CPED1: variants seen among roughly 807,000 people sequenced by gnomAD.
The protein encoded by CPED1 is cadherin-like and PC-esterase domain-containing protein 1.
A neutral mutation model predicts 128.2 loss-of-function variants in CPED1; 114 were observed. That is an observed-to-expected ratio of 0.89 (90% CI 0.76 to 1.04). The LOEUF (loss-of-function observed/expected upper bound fraction) is 1.04, where lower values mean the gene tolerates loss of function less well. CPED1 is among the 50% of genes least tolerant of loss of function. The probability of loss-of-function intolerance (pLI) is 0.00; values close to 1 mark genes in which losing one functional copy is unlikely to be tolerated. For synonymous variants in CPED1, 462 were observed against 426.7 expected, an observed-to-expected ratio of 1.08 and a Z score of -1.02; for missense variants, 1,211 against 1,207.1, an observed-to-expected ratio of 1.00 and a Z score of -0.05.
At chr7:121,016,155 G>T (rs1297938643) in intron 3 of CPED1, among the ~76,000 whole-genome samples, 3 of 151,858 alleles carry the variant, frequency 2.0e-5, no homozygotes, top group Non-Finnish European at 2.9e-5. Context: ...GTTCTGCCCC[G>T]CACCCAAACT....
chr7:121,117,485 T>C (rs760816850), intron 7 of CPED1, among the ~76,000 whole-genome samples: 9 of 152,224 alleles, frequency 5.9e-5, no homozygotes, highest in Non-Finnish European at 1.0e-4. Flanking sequence ...TTTCTCCATT[T>C]CTCTAATCTT....
At chr7:121,170,746 T>C (rs1043410778) in intron 16 of CPED1, among the ~76,000 whole-genome samples, 4 of 152,132 alleles carry the variant, frequency 2.6e-5, no homozygotes, top group Admixed American at 1.3e-4. Flanking sequence ...TGAGTTTCTA[T>C]CCTTTATTAA....
chr7:120,998,135 C>T (rs1326184908), intron 2 of CPED1, among the ~76,000 whole-genome samples: 2 of 152,072 alleles, frequency 1.3e-5, no homozygotes, highest in Non-Finnish European at 2.9e-5. Flanking sequence ...GGAAGGATTC[C>T]ACCACAAGTT....
At chr7:121,090,962 T>TA (rs369642855) in intron 5 of CPED1, among the ~76,000 whole-genome samples, 160 of 145,758 alleles carry the variant, frequency 1.1e-3, no homozygotes, top group African/African-American at 1.9e-3. Context: ...AAAATAAAAA[T>TA]AAAAAAAAAA....
At chr7:121,020,874 A>G (rs1388495294) in intron 3 of CPED1, among the ~76,000 whole-genome samples, 1 of 151,968 alleles carries the variant, frequency 6.6e-6, no homozygotes, top group Non-Finnish European at 1.5e-5. Flanking sequence ...AGTATTGAGT[A>G]AACAACAGTA....
intron 4 of CPED1, among the ~76,000 whole-genome samples, chr7:121,054,628 A>T (rs1222044998): frequency 6.6e-6 from 1 of 151,166 alleles, no homozygotes; most frequent in Non-Finnish European, 1.5e-5. Flanking sequence ...GTATTATTTG[A>T]GTCCCCAACC....
chr7:121,071,282 C>A lies in CPED1; in HGVS notation c.616+6969C>A, dbSNP rs1226112539. Among the ~76,000 whole-genome samples, 6 of 152,238 alleles carry A rather than the reference C, an allele frequency of 3.9e-5. No individual in the cohort carries two copies. The East Asian group carries it at 1.2e-3, about 29-fold the overall frequency. On this transcript the variant is annotated intron_variant, in intron 5 of 22. Transcript: ENST00000310396. ...ATTCAGTAACCATTAGGATTCAGATCCCATCCAGTGGTCTAGTCCTTCTTC... is the reference window on the plus strand; with the variant it reads ...ATTCAGTAACCATTAGGATTCAGATACCATCCAGTGGTCTAGTCCTTCTTC...
chr7:121,266,751 G>T lies in CPED1; in HGVS notation c.2576G>T (p.Gly859Val), dbSNP rs750211138. The change falls in exon 20 of 23, where the codon GGT (glycine) becomes GTT (valine). Residue 859 changes from glycine (G) to valine (V), a missense_variant. By Grantham distance (109) the Gly-to-Val change is moderately radical (BLOSUM62 -3). Coordinates refer to ENST00000310396, the MANE Select transcript of CPED1 (RefSeq NM_024913.5). ...ACTGGCCAGACTGTATTGGTTGTTG[G>T]TGGTGTTCAGTGGCTTAATTCCAAT... ...ENTGQTVLVV[G>V]GVQWLNSNHL... is the part of the protein sequence containing the mutation. 2.5e-6 allele frequency: 4 copies of T among 1,612,980 alleles called. No individual in the cohort carries two copies. In the South Asian group the frequency reaches 3.3e-5, roughly 13 times the overall value.
intron 22 of CPED1, among the ~76,000 whole-genome samples, chr7:121,276,810 T>C (rs976827934): frequency 6.6e-6 from 1 of 152,080 alleles, no homozygotes; most frequent in Non-Finnish European, 1.5e-5. Context: ...TAGTAGAACA[T>C]AAATCACAAA....
intron 2 of CPED1, among the ~76,000 whole-genome samples, chr7:121,007,230 CATTTTT>C (rs1367310935): frequency 4.3e-4 from 50 of 115,862 alleles, no homozygotes; most frequent in African/African-American, 1.4e-3. Context: ...GTTCAGGTTG[CATTTTT>C]TTTTTTTTTT....
At chr7:121,113,674 G>A (rs1187187997) in intron 7 of CPED1, among the ~76,000 whole-genome samples, 2 of 151,928 alleles carry the variant, frequency 1.3e-5, no homozygotes, top group Non-Finnish European at 2.9e-5. Flanking sequence ...GGAAGGAAGA[G>A]AAAGAGACAC....
intron 7 of CPED1, among the ~76,000 whole-genome samples, chr7:121,118,266 G>C (rs1338846296): frequency 6.6e-6 from 1 of 152,026 alleles, no homozygotes; most frequent in East Asian, 1.9e-4. Context: ...TGAATTAATT[G>C]AATAAAAAGA....
At chr7:121,039,715 A>G (rs1264887292) in intron 3 of CPED1, among the ~76,000 whole-genome samples, 2 of 152,070 alleles carry the variant, frequency 1.3e-5, no homozygotes, top group Admixed American at 6.6e-5. Flanking sequence ...AAATGGCATG[A>G]ACACCTTTTT....
intron 5 of CPED1, among the ~76,000 whole-genome samples, chr7:121,065,143 C>G (rs910525448): frequency 6.6e-6 from 1 of 152,130 alleles, no homozygotes; most frequent in Admixed American, 6.6e-5. Context: ...GGGGTTTCTG[C>G]TCCCACTCCA....
At chr7:121,031,563 T>G (rs186422011) in intron 3 of CPED1, among the ~76,000 whole-genome samples, 481 of 152,284 alleles carry the variant, frequency 3.2e-3, no homozygotes, top group African/African-American at 0.011. Context: ...GCTGGAATTA[T>G]GGGCATGAGC....
At chr7:121,026,638 G>T (rs976413264) in intron 3 of CPED1, among the ~76,000 whole-genome samples, 1 of 149,278 alleles carries the variant, frequency 6.7e-6, no homozygotes, top group Non-Finnish European at 1.5e-5. Context: ...AATTTTGGGG[G>T]AGGGAGACAG....
intron 2 of CPED1, among the ~76,000 whole-genome samples, chr7:121,001,960 G>T (rs185108603): frequency 7.3e-5 from 11 of 151,690 alleles, no homozygotes; most frequent in Non-Finnish European, 1.3e-4. Context: ...TATTCTCATT[G>T]CATTTGGTGC....
intron 5 of CPED1, 130 bp from the exon 6 acceptor site, chr7:121,097,569 C>T: frequency 1.0e-6 from 1 of 1,001,944 alleles, no homozygotes; most frequent in South Asian, 1.6e-5. Context: ...ATTTTTGATT[C>T]AGAATGGGGA....
At chr7:121,068,681 A>C (rs540993796) in intron 5 of CPED1, among the ~76,000 whole-genome samples, 102 of 149,900 alleles carry the variant, frequency 6.8e-4, no homozygotes, top group African/African-American at 2.4e-3. Flanking sequence ...TGGGGATGGC[A>C]TTGAATCTAT....
Sources: allele counts gnomAD v4.1 joint callset (sites outside exome capture counted in the v4.1 genomes callset), GRCh38; gene constraint gnomAD v4.1.1; transcripts MANE v1.5; gene names NCBI Gene and HGNC (gene_info 2026-07-23, HGNC 2026-07-21).